TAFA2: variants seen among roughly 807,000 people sequenced by gnomAD.
The protein encoded by TAFA2 is TAFA chemokine like family member 2.
Under a neutral mutation model 18.8 loss-of-function variants are expected in TAFA2, and 7 were observed. The ratio of observed to expected loss-of-function variants is 0.37; its 90% CI spans 0.21 to 0.70. The LOEUF is 0.70. Among genes scored for constraint, TAFA2 ranks in the 30% least tolerant of loss-of-function variants. TAFA2 has a pLI of 0.53. For missense variants in TAFA2, 122 were observed against 158.1 expected (o/e 0.77, Z 1.23); for synonymous variants, 60 against 54.2 (o/e 1.11, Z -0.47).
chr12:62,200,348 G>A (rs758930057), intron 1 of TAFA2, among the ~76,000 whole-genome samples: 8 of 152,190 alleles, frequency 5.3e-5, no homozygotes, highest in Non-Finnish European at 1.0e-4. Flanking sequence ...GTACTAAATG[G>A]TATTGCCTAG....
chr12:61,959,544 G>A (rs1314573938), intron 1 of TAFA2, among the ~76,000 whole-genome samples: 6 of 152,088 alleles, frequency 3.9e-5, no homozygotes. Context: ...TCTATCAGCT[G>A]TTTTTATTCA....
chr12:61,804,830 AG>A lies in TAFA2; in HGVS notation c.107-49807del, dbSNP rs1565639967. On this transcript the variant is annotated intron_variant, in intron 2 of 4. Transcript: ENST00000416284. ...GAGGAAAGTAAGGCACACAGAAGTT[AG>A]GTAATTTACCTAACATACACACCTC... is the stretch of plus-strand genomic sequence containing the variant. Among the ~76,000 whole-genome samples, 7 of 152,214 alleles carry A rather than the reference AG, an allele frequency of 4.6e-5. No individual in the cohort carries two copies. In the South Asian group the frequency reaches 1.4e-3, roughly 31 times the overall value.
chr12:62,239,800 C>G (rs1367285819), intron 1 of TAFA2, among the ~76,000 whole-genome samples: 2 of 152,164 alleles, frequency 1.3e-5, no homozygotes, highest in African/African-American at 2.4e-5. Flanking sequence ...GAGTTATACA[C>G]CACCCCATCT....
intron 2 of TAFA2, among the ~76,000 whole-genome samples, chr12:61,831,826 A>C (rs971860310): frequency 6.6e-6 from 1 of 151,930 alleles, no homozygotes; most frequent in Non-Finnish European, 1.5e-5. Flanking sequence ...CATTAGGTAT[A>C]TCTCCTAATG....
intron 1 of TAFA2, among the ~76,000 whole-genome samples, chr12:62,148,854 T>A (rs1306832991): frequency 6.6e-6 from 1 of 152,174 alleles, no homozygotes; most frequent in Non-Finnish European, 1.5e-5. Context: ...TGTCTCCAAT[T>A]AAAAAATAAT....
chr12:61,765,678 G>A (rs1469479683), intron 2 of TAFA2, among the ~76,000 whole-genome samples: 2 of 152,086 alleles, frequency 1.3e-5, no homozygotes, highest in Non-Finnish European at 2.9e-5. Context: ...GGTAAATTGA[G>A]CTAACCTTCA....
In TAFA2 at chr12:62,202,821, C is replaced by CCTTTTTTTTTTTTT. The variant is rs368047311; in HGVS notation, c.-130+55941_-130+55942insAAAAAAAAAAAAAG. On this transcript the variant is annotated intron_variant, in intron 1 of 5. Coordinates refer to the TAFA2 transcript ENST00000551619. ...TCAATTTACATGTAGCTGTGTGGTT[C>CCTTTTTTTTTTTTT]TTTTTTTTTTTTTTTTTTTTTTTTT... 4.9e-5 allele frequency among the ~76,000 whole-genome samples: 3 copies of CCTTTTTTTTTTTTT among 61,626 alleles called. 1 individual carries two copies. The highest frequency in any genetic ancestry group is 4.8e-4 in the Admixed American group (2 of 4,188). 40.4% of individuals were successfully genotyped at this position (61,626 alleles called of 152,430 possible).
chr12:62,010,821 C>T lies in TAFA2; in HGVS notation c.-1-143395G>A, dbSNP rs571822899. Among the ~76,000 whole-genome samples, 400 of 143,992 alleles carry T rather than the reference C, an allele frequency of 2.8e-3. 3 individuals are homozygous for T. The highest frequency in any genetic ancestry group is 9.6e-3 in the African/African-American group (365 of 38,160). 94.5% of individuals were successfully genotyped at this position (143,992 alleles called of 152,430 possible). A position where few individuals can be genotyped will look rare whatever the true frequency, so the allele number is the denominator to read the frequency against. On this transcript the variant is annotated intron_variant, in intron 1 of 4. Coordinates refer to ENST00000416284, the MANE Select transcript of TAFA2 (RefSeq NM_178539.5). ...CACCCTTCATCTGGGAGGTGGGGAGCGCCTCTGCCCAGCAGCCCTTCGTCT... is the reference window on the plus strand; with the variant it reads ...CACCCTTCATCTGGGAGGTGGGGAGTGCCTCTGCCCAGCAGCCCTTCGTCT...
At chr12:62,133,779 T>C (rs895598066) in intron 1 of TAFA2, among the ~76,000 whole-genome samples, 2 of 152,098 alleles carry the variant, frequency 1.3e-5, no homozygotes, top group African/African-American at 4.8e-5. Context: ...TAAATATTAG[T>C]TAGTTGAATG....
At chr12:61,888,740 A>C (rs1318184635) in intron 1 of TAFA2, among the ~76,000 whole-genome samples, 2 of 152,226 alleles carry the variant, frequency 1.3e-5, no homozygotes, top group Non-Finnish European at 2.9e-5. Flanking sequence ...AACACAAAGG[A>C]GGATCAAAAC....
At chr12:62,049,103 C>G (rs571333132) in intron 1 of TAFA2, among the ~76,000 whole-genome samples, 1 of 152,040 alleles carries the variant, frequency 6.6e-6, no homozygotes, top group Non-Finnish European at 1.5e-5. Flanking sequence ...AGTACAACCT[C>G]CAGTGGATAT....
Position 61,790,783 on chromosome 12 carries a change from T to G in TAFA2, c.107-35759A>C, listed in dbSNP as rs576241330. ...AGAATTAATATTTCTAAAATGCTCA[T>G]ACTACCCAAAGCAATCTATAGATTT... On this transcript the variant is annotated intron_variant, in intron 2 of 4. Coordinates refer to ENST00000416284, the MANE Select transcript of TAFA2 (RefSeq NM_178539.5). Among the ~76,000 whole-genome samples the G allele has an allele frequency of 4.6e-5, 7 of 151,938 alleles. No individual in the cohort carries two copies. In the South Asian group the frequency reaches 1.5e-3, roughly 32 times the overall value.
At chr12:61,859,828 G>C in intron 2 of TAFA2, among the ~76,000 whole-genome samples, 1 of 152,214 alleles carries the variant, frequency 6.6e-6, no homozygotes, top group East Asian at 1.9e-4. Context: ...CAGCGACTCT[G>C]AGGGGCTGAC....
At chr12:61,959,932 G>T (rs561359964) in intron 1 of TAFA2, among the ~76,000 whole-genome samples, 9 of 151,906 alleles carry the variant, frequency 5.9e-5, no homozygotes, top group Admixed American at 2.6e-4. Context: ...GCTATTCACA[G>T]ATGTGATCGT....
chr12:62,147,458 T>C (rs191874067), intron 1 of TAFA2, among the ~76,000 whole-genome samples: 47 of 148,492 alleles, frequency 3.2e-4, no homozygotes, highest in Middle Eastern at 3.5e-3. Flanking sequence ...CGGCCGGGCA[T>C]GGTGGCTCAC....
At chr12:61,976,012 C>G (rs958768237) in intron 1 of TAFA2, among the ~76,000 whole-genome samples, 3 of 151,670 alleles carry the variant, frequency 2.0e-5, no homozygotes, top group African/African-American at 4.8e-5. Flanking sequence ...TAAATACATA[C>G]AGTTTTTATT....
chr12:61,801,394 G>A (rs1031790277), intron 2 of TAFA2, among the ~76,000 whole-genome samples: 7 of 151,882 alleles, frequency 4.6e-5, no homozygotes, highest in South Asian at 2.1e-4. Flanking sequence ...TATAGTAACC[G>A]AAACAGCATA....
intron 4 of TAFA2, among the ~76,000 whole-genome samples, chr12:61,718,139 A>G (rs898770934): frequency 2.0e-5 from 3 of 152,142 alleles, no homozygotes; most frequent in Non-Finnish European, 2.9e-5. Context: ...TCAGCTTCCT[A>G]TGCTGTGCAA....
chr12:61,743,787 T>G (rs1868566473), intron 4 of TAFA2, among the ~76,000 whole-genome samples: 1 of 152,024 alleles, frequency 6.6e-6, no homozygotes, highest in Admixed American at 6.6e-5. Context: ...CTGAAGTCAT[T>G]GATTACAAGA....
Sources: allele counts gnomAD v4.1 joint callset (sites outside exome capture counted in the v4.1 genomes callset), GRCh38; gene constraint gnomAD v4.1.1; transcripts MANE v1.5; gene names NCBI Gene and HGNC (gene_info 2026-07-23, HGNC 2026-07-21).